The following TCF3 variants were observed in gnomAD, a reference collection of about 807,000 sequenced individuals.
TCF3 encodes the protein transcription factor 3, also known as transcription factor E2-alpha.
A neutral mutation model predicts 72.3 loss-of-function variants in TCF3; 54 were observed. That is an observed-to-expected ratio of 0.75 (90% CI 0.60 to 0.94). The LOEUF (loss-of-function observed/expected upper bound fraction) is 0.94, where lower values mean the gene tolerates loss of function less well. TCF3 is among the 40% of genes least tolerant of loss of function. TCF3 has a pLI of 0.00. For missense variants in TCF3, 1,078 were observed against 934.4 expected (o/e 1.15, Z -2.00); for synonymous variants, 525 against 412.6 (o/e 1.27, Z -3.30).
intron 18 of TCF3, chr19:1,612,076 G>A (rs901080911): frequency 4.2e-6 from 4 of 959,584 alleles, no homozygotes; most frequent in Non-Finnish European, 6.0e-6. Context: ...GAACATCACT[G>A]GGTCTGAGTC....
intron 7 of TCF3, 97 bp from the exon 8 acceptor site, chr19:1,624,097 A>G (rs1258262593): frequency 6.8e-6 from 9 of 1,333,280 alleles, no homozygotes; most frequent in Admixed American, 2.0e-5. Context: ...CCCGTTTCAT[A>G]TATTAAAAAC....
At position 1,652,551 on chromosome 19, in the gene TCF3, C is replaced by G. The variant is rs910122561; in HGVS notation, c.-291G>C. 8 of 145,628 alleles carry G rather than the reference C, an allele frequency of 5.5e-5. No homozygotes were observed. Among genetic ancestry groups the G allele is most frequent in the Non-Finnish European group, 9.2e-5 (6 of 65,488 alleles). 9.0% of individuals were successfully genotyped at this position (145,628 alleles called of 1,614,324 possible). A position where few individuals can be genotyped will look rare whatever the true frequency, so the allele number is the denominator to read the frequency against. ...CCCGCGGTGCCCGCCGCCGCGTCGG[C>G]TCCGGCCCGCTACGCCCGCAGCCGC... On this transcript the variant is annotated 5_prime_UTR_variant, in exon 1 of 19. Transcript: ENST00000262965.
intron 3 of TCF3, 76 bp from the exon 4 acceptor site, chr19:1,632,481 G>A (rs1350664477): frequency 2.0e-6 from 3 of 1,470,506 alleles, no homozygotes; most frequent in Middle Eastern, 1.8e-4. Context: ...CATCATCTCA[G>A]GGGCAAACCT....
Position 1,615,890 on chromosome 19 carries a change from C to T in TCF3, c.1451-69G>A. On this transcript the variant is annotated intron_variant, in intron 16 of 18. Transcript: ENST00000262965. This position sits in a 1 kb window ranked among gnomAD's most constrained non-coding sequence, Gnocchi z 7.3. ...CCAACTGACATATCTCTTTGTGCTC[C>T]TGTGGTGAGGGACTTGGGCTTTCCT... is the stretch of plus-strand genomic sequence containing the variant. The T allele has an allele frequency of 6.8e-7, 1 of 1,478,852 alleles. No homozygotes were observed. The highest frequency in any genetic ancestry group is 9.0e-7 in the Non-Finnish European group (1 of 1,116,846). The allele number at this position is 1,478,852 out of a possible 1,614,324, so 91.6% of individuals were successfully genotyped here.
intron 5 of TCF3, 121 bp downstream of exon 5, chr19:1,631,917 G>C (rs1168909487): frequency 6.5e-7 from 1 of 1,541,188 alleles, no homozygotes; most frequent in South Asian, 1.2e-5. Context: ...GGCTTCGGCT[G>C]TCCACACCCT....
intron 3 of TCF3, among the ~76,000 whole-genome samples, chr19:1,638,206 T>G (rs969329574): frequency 1.8e-4 from 28 of 152,218 alleles, no homozygotes; most frequent in African/African-American, 5.8e-4. Context: ...ATCCTTGCAG[T>G]GGCTACATTA....
chr19:1,645,919 T>C (rs112903346), intron 3 of TCF3, among the ~76,000 whole-genome samples: 14 of 152,212 alleles, frequency 9.2e-5, no homozygotes, highest in Non-Finnish European at 1.9e-4. Context: ...CCTGCTTAAA[T>C]GAAAGTCGTC....
At chr19:1,628,788 G>A (rs866895087) in intron 5 of TCF3, among the ~76,000 whole-genome samples, 1 of 1,656 alleles carries the variant, frequency 6.0e-4, no homozygotes, top group Non-Finnish European at 9.7e-4. Flanking sequence ...GAGGCGGGAA[G>A]GGGACAGCAG....
intron 3 of TCF3, among the ~76,000 whole-genome samples, chr19:1,633,374 T>C (rs533679301): frequency 1.3e-5 from 2 of 152,180 alleles, no homozygotes; most frequent in East Asian, 3.9e-4. Context: ...TCCAGAGGCT[T>C]CCCGAGAGCC....
At chr19:1,643,184 A>C (rs2145484843) in intron 3 of TCF3, among the ~76,000 whole-genome samples, 1 of 152,220 alleles carries the variant, frequency 6.6e-6, no homozygotes, top group African/African-American at 2.4e-5. Context: ...CAACCAGAAA[A>C]TCTTGGTTTC....
At chr19:1,635,444 C>G (rs113495631) in intron 3 of TCF3, among the ~76,000 whole-genome samples, 1 of 152,042 alleles carries the variant, frequency 6.6e-6, no homozygotes, top group South Asian at 2.1e-4. Flanking sequence ...GGATAAAGAC[C>G]AAACTCTTTC....
At chr19:1,642,129 T>TAG (rs2065336988) in intron 3 of TCF3, among the ~76,000 whole-genome samples, 10 of 147,246 alleles carry the variant, frequency 6.8e-5, no homozygotes, top group Admixed American at 6.7e-4. Context: ...TGCACAGAAC[T>TAG]ACACACACAC....
In TCF3 at chr19:1,627,408, C is replaced by A. The variant is rs776223656; in HGVS notation, c.317G>T (p.Gly106Val). 6.2e-7 allele frequency: 1 copy of A among 1,612,020 alleles called. No homozygotes were observed. The highest frequency in any genetic ancestry group is 8.5e-7 in the Non-Finnish European group (1 of 1,179,728). ...PGLGGKSGER[G>V]AYASFGRDAG... ...GTCTCTCCCGAAGGAGGCATAGGCGCCCCGCTCACCGCTCTTGCCTGCAAG... is the reference window on the plus strand; with the variant it reads ...GTCTCTCCCGAAGGAGGCATAGGCGACCCGCTCACCGCTCTTGCCTGCAAG... The change falls in exon 6 of 19, where the codon GGC (glycine) becomes GTC (valine). Residue 106 changes from glycine (G) to valine (V), a missense_variant. By Grantham distance (109) the Gly-to-Val change is moderately radical. Transcript: ENST00000262965.
At chr19:1,639,507 T>G (rs945757226) in intron 3 of TCF3, among the ~76,000 whole-genome samples, 10 of 151,798 alleles carry the variant, frequency 6.6e-5, no homozygotes, top group African/African-American at 9.7e-5. Flanking sequence ...ATTAAACAGA[T>G]TAAAAATCTA....
chr19:1,629,852 G>GT (rs779748911), intron 5 of TCF3, among the ~76,000 whole-genome samples: 27 of 152,214 alleles, frequency 1.8e-4, no homozygotes, highest in African/African-American at 2.4e-4. Context: ...AAATGCTGCT[G>GT]TTTTTTGCCT....
intron 3 of TCF3, among the ~76,000 whole-genome samples, chr19:1,642,173 T>G (rs1024446802): frequency 7.4e-6 from 1 of 135,062 alleles, no homozygotes; most frequent in East Asian, 2.4e-4. Context: ...CACGCACGCG[T>G]ACACACACGC....
At position 1,652,352 on chromosome 19, in the gene TCF3, CG is replaced by C. The variant is rs918859070; in HGVS notation, c.-93del. On this transcript the variant is annotated 5_prime_UTR_variant, in exon 1 of 19. Transcript: ENST00000262965. ...CGTGGGGGGGGGCGGCGGCATGAAGCGGGGGGGCCCCCCCCCGGACAAAGGT... is the reference window on the plus strand; with the variant it reads ...CGTGGGGGGGGGCGGCGGCATGAAGCGGGGGGCCCCCCCCCGGACAAAGGT... The C allele has an allele frequency of 1.1e-4, 16 of 141,402 alleles. No individual in the cohort carries two copies. The highest frequency in any genetic ancestry group is 5.5e-4 in the Admixed American group (8 of 14,492). The allele number at this position is 141,402 out of a possible 1,614,324, so 8.8% of individuals were successfully genotyped here.
intron 1 of TCF3, chr19:1,651,329 T>C (rs1275609130): frequency 3.5e-5 from 8 of 227,980 alleles, no homozygotes; most frequent in Non-Finnish European, 6.1e-5. Flanking sequence ...GAGACCCAAC[T>C]TCAGAAGCAG....
chr19:1,636,220 T>C (rs2145130656), intron 3 of TCF3, among the ~76,000 whole-genome samples: 1 of 152,138 alleles, frequency 6.6e-6, no homozygotes, highest in East Asian at 1.9e-4. Context: ...AGTGCAGTGG[T>C]GCGATCTTGG....
Sources: gnomAD v4.1 joint callset for allele counts (sites outside exome capture counted in the v4.1 genomes callset) on GRCh38, gnomAD v4.1.1 for gene constraint, Gnocchi (gnomAD v3.1) non-coding constraint, MANE v1.5 for transcripts, NCBI Gene and HGNC (gene_info 2026-07-23, HGNC 2026-07-21) for gene names.